PTGFR: variants seen among roughly 807,000 people sequenced by gnomAD.
PTGFR encodes prostaglandin F2-alpha receptor.
PTGFR carries 15 observed loss-of-function variants against 26.2 expected under a neutral mutation model. That is an observed-to-expected ratio of 0.57 (90% CI 0.38 to 0.88). PTGFR has a LOEUF of 0.88. Ranked by LOEUF, PTGFR falls within the 40% of genes least tolerant of loss-of-function variation. PTGFR has a pLI of 0.00. For missense variants in PTGFR, 369 were observed against 427.2 expected, an observed-to-expected ratio of 0.86 and a Z score of 1.20; for synonymous variants, 165 against 151.1, an observed-to-expected ratio of 1.09 and a Z score of -0.68.
intron 2 of PTGFR, among the ~76,000 whole-genome samples, chr1:78,519,389 A>C (rs1442388407): frequency 1.3e-5 from 2 of 152,140 alleles, no homozygotes; most frequent in African/African-American, 4.8e-5. Flanking sequence ...TGTAAAATAT[A>C]GATAATATTT....
chr1:78,511,335 G>C (rs540554444), intron 2 of PTGFR, among the ~76,000 whole-genome samples: 1 of 152,330 alleles, frequency 6.6e-6, no homozygotes, highest in African/African-American at 2.4e-5. Context: ...AATCCAGGGG[G>C]AAGTCACCAA....
intron 2 of PTGFR, among the ~76,000 whole-genome samples, chr1:78,496,332 A>G (rs1380582885): frequency 1.3e-5 from 2 of 152,138 alleles, no homozygotes; most frequent in African/African-American, 2.4e-5. Context: ...TTTCCTGCCC[A>G]CCTTGTATTT....
rs1026205153 is a variant in PTGFR at position 78,514,656 on chromosome 1, G to C, written c.798+21115G>C. 1.2e-4 allele frequency among the ~76,000 whole-genome samples: 19 copies of C among 152,092 alleles called. 1 individual carries two copies. ...GAAGGACATAAGATTTGGGGCCTAG[G>C]GGTGGAATGATATAGTTTGGATATG... On this transcript the variant is annotated intron_variant, in intron 2 of 2. Transcript: ENST00000370757.
intron 2 of PTGFR, among the ~76,000 whole-genome samples, chr1:78,526,777 G>T (rs1314054693): frequency 6.6e-6 from 1 of 152,032 alleles, no homozygotes; most frequent in Non-Finnish European, 1.5e-5. Context: ...TGAAGCAAAG[G>T]TTTGGGCCCA....
intron 2 of PTGFR, among the ~76,000 whole-genome samples, chr1:78,506,154 G>A (rs1412032615): frequency 1.3e-5 from 2 of 152,054 alleles, no homozygotes; most frequent in African/African-American, 2.4e-5. Context: ...TAACAGCAAC[G>A]TGCGAGTGTC....
At chr1:78,520,116 T>C (rs1650187329) in intron 2 of PTGFR, among the ~76,000 whole-genome samples, 1 of 152,090 alleles carries the variant, frequency 6.6e-6, no homozygotes. Flanking sequence ...CAGACACTAT[T>C]ACCTTTTGGG....
intron 2 of PTGFR, among the ~76,000 whole-genome samples, chr1:78,535,247 G>T (rs562715623): frequency 2.0e-5 from 3 of 152,140 alleles, no homozygotes; most frequent in Non-Finnish European, 4.4e-5. Flanking sequence ...TGGGAAAGAT[G>T]AGGTCTTCAC....
intron 2 of PTGFR, among the ~76,000 whole-genome samples, chr1:78,513,537 A>C (rs934290560): frequency 1.2e-4 from 18 of 152,228 alleles, no homozygotes; most frequent in Admixed American, 1.1e-3. Context: ...TCAGATAGAG[A>C]AGCAAAGGAA....
chr1:78,491,726 C>T (rs932695392), intron 1 of PTGFR, among the ~76,000 whole-genome samples: 1 of 152,188 alleles, frequency 6.6e-6, no homozygotes, highest in African/African-American at 2.4e-5. Flanking sequence ...AGAAGGCGAC[C>T]GTCCTGGGGG....
intron 1 of PTGFR, among the ~76,000 whole-genome samples, chr1:78,491,768 AG>A (rs1438216074): frequency 3.9e-5 from 6 of 152,230 alleles, no homozygotes; most frequent in Non-Finnish European, 7.3e-5. Flanking sequence ...GGCTGGGCGC[AG>A]GAAAGGCTGG....
intron 2 of PTGFR, among the ~76,000 whole-genome samples, chr1:78,512,823 T>A (rs769148724): frequency 2.0e-5 from 3 of 152,176 alleles, no homozygotes; most frequent in African/African-American, 7.2e-5. Context: ...GGTAAGTGAG[T>A]TCTGCCTCAT....
At chr1:78,491,493 CT>C (rs1267987666) in intron 1 of PTGFR, among the ~76,000 whole-genome samples, 1 of 152,238 alleles carries the variant, frequency 6.6e-6, no homozygotes, top group African/African-American at 2.4e-5. Flanking sequence ...ACAGATTCCG[CT>C]TCTCGCCGTT....
intron 2 of PTGFR, among the ~76,000 whole-genome samples, chr1:78,505,654 T>G (rs1314367409): frequency 6.6e-6 from 1 of 152,158 alleles, no homozygotes. Context: ...GAACATTTTT[T>G]TTATCCCCAA....
chr1:78,491,671 G>A lies in PTGFR; in HGVS notation c.-73+435G>A, dbSNP rs189851881. Among the ~76,000 whole-genome samples, 4 of 152,314 alleles carry A rather than the reference G, an allele frequency of 2.6e-5. No homozygotes were observed. In the South Asian group the frequency reaches 6.2e-4, roughly 24 times the overall value. ...TGTTGCGAGGCCAGGCCGAAGGGCG[G>A]GGGGGATAGTAACGGGCGAAAGTCG... On this transcript the variant is annotated intron_variant, in intron 1 of 2. Coordinates refer to ENST00000370757, the MANE Select transcript of PTGFR (RefSeq NM_000959.4).
chr1:78,523,363 A>G (rs1650293059), intron 2 of PTGFR, among the ~76,000 whole-genome samples: 1 of 152,122 alleles, frequency 6.6e-6, no homozygotes, highest in Non-Finnish European at 1.5e-5. Flanking sequence ...ATTTACTTTT[A>G]AAGACACTTT....
intron 2 of PTGFR, among the ~76,000 whole-genome samples, chr1:78,522,504 T>G (rs1650271526): frequency 6.6e-6 from 1 of 152,126 alleles, no homozygotes. Flanking sequence ...TGTTATATTT[T>G]TGTTCATATT....
intron 2 of PTGFR, among the ~76,000 whole-genome samples, chr1:78,526,419 T>C (rs1650374536): frequency 6.6e-6 from 1 of 152,042 alleles, no homozygotes; most frequent in Admixed American, 6.6e-5. Context: ...CAGCAGGGAA[T>C]GGCTGAAATG....
chr1:78,534,228 G>A (rs182235246), intron 2 of PTGFR, among the ~76,000 whole-genome samples: 60 of 152,260 alleles, frequency 3.9e-4, no homozygotes, highest in African/African-American at 1.4e-3. Flanking sequence ...TAAGTGTCTG[G>A]AATACAAGTG....
chr1:78,513,941 A>G (rs1650031540), intron 2 of PTGFR, among the ~76,000 whole-genome samples: 1 of 152,262 alleles, frequency 6.6e-6, no homozygotes, highest in Admixed American at 6.5e-5. Flanking sequence ...CTGTAGGCAC[A>G]CAGAATGCAA....
Sources: allele counts gnomAD v4.1 joint callset (sites outside exome capture counted in the v4.1 genomes callset), GRCh38; gene constraint gnomAD v4.1.1; transcripts MANE v1.5; gene names NCBI Gene and HGNC (gene_info 2026-07-23, HGNC 2026-07-21).